FAM216B: variants seen among roughly 807,000 people sequenced by gnomAD.
The protein encoded by FAM216B is protein FAM216B.
Under a neutral mutation model 12.9 loss-of-function variants are expected in FAM216B, and 11 were observed. The ratio of observed to expected loss-of-function variants is 0.86; its 90% CI spans 0.54 to 1.42. The LOEUF is 1.42. FAM216B is among the 40% of genes most tolerant of loss of function. The probability of loss-of-function intolerance (pLI) is 0.00; values close to 1 mark genes in which losing one functional copy is unlikely to be tolerated. For synonymous variants in FAM216B, 52 were observed against 57.2 expected (o/e 0.91, Z 0.41); for missense variants, 167 against 162.9 (o/e 1.02, Z -0.14).
chr13:42,781,637 T>C lies in FAM216B; in HGVS notation c.-42T>C, dbSNP rs145381008. ...ACTACACTGAATAGGAATGGCAGCT[T>C]TTAAAAGTGGGGGAACTACAGTATA... is the stretch of plus-strand genomic sequence containing the variant. On this transcript the variant is annotated 5_prime_UTR_variant, in exon 1 of 4. Transcript: ENST00000313851. 1 of 152,316 alleles carries C rather than the reference T, an allele frequency of 6.6e-6. No homozygotes were observed. Among genetic ancestry groups the C allele is most frequent in the Non-Finnish European group, 1.5e-5 (1 of 68,030 alleles). 9.4% of individuals were successfully genotyped at this position (152,316 alleles called of 1,614,324 possible).
rs1403661878 is a variant in FAM216B at position 42,790,776 on chromosome 13, T to C, written c.*1986T>C. Reference sequence around the variant, plus strand: ...CTTGCACTCACAATGTCAATATACATTATCAGAACTTAAGTCCTGGAGATC... The same window carrying C: ...CTTGCACTCACAATGTCAATATACACTATCAGAACTTAAGTCCTGGAGATC... On this transcript the variant is annotated 3_prime_UTR_variant, in exon 4 of 4. Coordinates refer to ENST00000313851, the MANE Select transcript of FAM216B (RefSeq NM_001318932.2). 1 of 152,194 alleles carries C rather than the reference T, an allele frequency of 6.6e-6. No homozygotes were observed. The highest frequency in any genetic ancestry group is 6.5e-5 in the Admixed American group (1 of 15,284). The allele number at this position is 152,194 out of a possible 1,614,324, so 9.4% of individuals were successfully genotyped here.
chr13:42,781,886 G>T (rs909597134), intron 1 of FAM216B, among the ~76,000 whole-genome samples: 1 of 152,208 alleles, frequency 6.6e-6, no homozygotes, highest in African/African-American at 2.4e-5. Flanking sequence ...GAGGAGAGAA[G>T]AAATCTTTCC....
chr13:42,785,739 G>T (rs1874060213), intron 2 of FAM216B, among the ~76,000 whole-genome samples: 1 of 152,014 alleles, frequency 6.6e-6, no homozygotes, highest in African/African-American at 2.4e-5. Flanking sequence ...TCTACCAATG[G>T]TCTCTTTCTT....
intron 2 of FAM216B, among the ~76,000 whole-genome samples, chr13:42,785,279 G>A (rs1274122620): frequency 1.3e-5 from 2 of 152,042 alleles, no homozygotes; most frequent in East Asian, 3.8e-4. Context: ...TCGATACTAA[G>A]TTTAAGGCCA....
At chr13:42,786,145 A>ATTTG (rs1874078394) in intron 2 of FAM216B, among the ~76,000 whole-genome samples, 3 of 152,190 alleles carry the variant, frequency 2.0e-5, no homozygotes, top group African/African-American at 7.2e-5. Flanking sequence ...AACTAAAAAG[A>ATTTG]AAAAATGTTA....
intron 2 of FAM216B, among the ~76,000 whole-genome samples, chr13:42,784,661 C>CAAAAAAAAAAAA (rs61276354): frequency 5.3e-5 from 5 of 94,764 alleles, no homozygotes; most frequent in South Asian, 4.3e-4. Context: ...ACTAAAAATA[C>CAAAAAAAAAAAA]AAAAAAAAAA....
chr13:42,786,814 A>C lies in FAM216B; in HGVS notation c.151A>C (p.Asn51His). ...CTTTTACAGCATTATGAGGATTTACAACTCCAGGCCCCAGTGGGAGGCCCT... is the reference window on the plus strand; with the variant it reads ...CTTTTACAGCATTATGAGGATTTACCACTCCAGGCCCCAGTGGGAGGCCCT... ...RYFYSIMRIYNSRPQWEALQT... is the reference protein window; with the variant it reads ...RYFYSIMRIYHSRPQWEALQT... Residue 51 changes from asparagine (N) to histidine (H), a missense_variant, in exon 3 of 4, where the codon AAC (asparagine) becomes CAC (histidine). Asn to His is a moderately conservative substitution (Grantham distance 68). Transcript: ENST00000313851. 1 of 1,614,106 alleles carries C rather than the reference A, an allele frequency of 6.2e-7. No individual in the cohort carries two copies. The highest frequency in any genetic ancestry group is 8.5e-7 in the Non-Finnish European group (1 of 1,179,954).
rs1053505848 is a variant in FAM216B at position 42,789,150 on chromosome 13, A to T, written c.*360A>T. The T allele has an allele frequency of 2.3e-5, 4 of 173,912 alleles. No individual in the cohort carries two copies. Among genetic ancestry groups the T allele is most frequent in the Non-Finnish European group, 5.0e-5 (4 of 80,798 alleles). 10.8% of individuals were successfully genotyped at this position (173,912 alleles called of 1,614,324 possible). Reference sequence around the variant, plus strand: ...ACTGGGTGACCATTTCTAGCAAACTATCATGTATACATTTTGAAAATATAC... The same window carrying T: ...ACTGGGTGACCATTTCTAGCAAACTTTCATGTATACATTTTGAAAATATAC... On this transcript the variant is annotated 3_prime_UTR_variant, in exon 4 of 4. Coordinates refer to ENST00000313851, the MANE Select transcript of FAM216B (RefSeq NM_001318932.2).
At position 42,791,422 on chromosome 13, in the gene FAM216B, T is replaced by A. The variant is rs1390726767; in HGVS notation, c.*2632T>A. 1 of 152,170 alleles carries A rather than the reference T, an allele frequency of 6.6e-6. No homozygotes were observed. Among genetic ancestry groups the A allele is most frequent in the African/African-American group, 2.4e-5 (1 of 41,454 alleles). The allele number at this position is 152,170 out of a possible 1,614,324, so 9.4% of individuals were successfully genotyped here. A position where few individuals can be genotyped will look rare whatever the true frequency, so the allele number is the denominator to read the frequency against. On this transcript the variant is annotated 3_prime_UTR_variant, in exon 4 of 4. Coordinates refer to ENST00000313851, the MANE Select transcript of FAM216B (RefSeq NM_001318932.2). ...ATGGATTTGAAATAAACAATGATTATACCATGATTGTAAAGACAAGAAACA... is the reference window on the plus strand; with the variant it reads ...ATGGATTTGAAATAAACAATGATTAAACCATGATTGTAAAGACAAGAAACA...
chr13:42,789,653 TGTGTG>T lies in FAM216B; in HGVS notation c.*864_*868del, dbSNP rs1874242956. 1 of 151,738 alleles carries T rather than the reference TGTGTG, an allele frequency of 6.6e-6. No homozygotes were observed. Among genetic ancestry groups the T allele is most frequent in the Admixed American group, 6.6e-5 (1 of 15,206 alleles). The allele number at this position is 151,738 out of a possible 1,614,324, so 9.4% of individuals were successfully genotyped here. On this transcript the variant is annotated 3_prime_UTR_variant, in exon 4 of 4. Coordinates refer to ENST00000313851, the MANE Select transcript of FAM216B (RefSeq NM_001318932.2). ...CAGAGATTTTGTGTGTGTGTGTGTG[TGTGTG>T]TGTGTGTGTGTTAAAAATCAGTCAC...
At chr13:42,786,282 G>A (rs55709380) in intron 2 of FAM216B, among the ~76,000 whole-genome samples, 4,001 of 152,192 alleles carry the variant, frequency 0.026, 81 homozygotes, top group Non-Finnish European at 0.04. Context: ...TTCCCTGACT[G>A]CTTGTTTACA....
In FAM216B at chr13:42,790,277, C is replaced by A. The variant is rs1304454836; in HGVS notation, c.*1487C>A. 6.6e-6 allele frequency: 1 copy of A among 151,932 alleles called. No homozygotes were observed. Among genetic ancestry groups the A allele is most frequent in the Non-Finnish European group, 1.5e-5 (1 of 68,010 alleles). The allele number at this position is 151,932 out of a possible 1,614,324, so 9.4% of individuals were successfully genotyped here. ...TATACTAGCCTTCCCATTGTTTTCA[C>A]AATGGGCCTTTTATCCCCTCTGAAC... On this transcript the variant is annotated 3_prime_UTR_variant, in exon 4 of 4. Transcript: ENST00000313851.
chr13:42,783,546 T>C (rs1873939913), intron 1 of FAM216B, among the ~76,000 whole-genome samples: 1 of 152,038 alleles, frequency 6.6e-6, no homozygotes, highest in Non-Finnish European at 1.5e-5. Context: ...CCTTTAAGCA[T>C]CTTGTGGGCA....
Position 42,788,578 on chromosome 13 carries a change from T to G in FAM216B, c.221-13T>G. 1.3e-6 allele frequency: 2 copies of G among 1,552,896 alleles called. No homozygotes were observed. Among genetic ancestry groups the G allele is most frequent in the Middle Eastern group, 1.7e-4 (1 of 5,788 alleles). On this transcript the variant is annotated splice_polypyrimidine_tract_variant and intron_variant, in intron 3 of 3. Transcript: ENST00000313851. ...TTGTTGATTTTGAAGTTTCTCTCAT[T>G]TCTTTCCCCTAGGCTATATTACTCA...
At chr13:42,783,948 T>C in intron 1 of FAM216B, 106 bp from the exon 2 acceptor site, 1 of 641,354 alleles carries the variant, frequency 1.6e-6, no homozygotes, top group Non-Finnish European at 2.6e-6. Flanking sequence ...TAGAACAAAT[T>C]ACATTTTTAA....
rs778878355 is a variant in FAM216B at position 42,784,075 on chromosome 13, A to C, written c.8A>C (p.Gln3Pro). The C allele has an allele frequency of 1.2e-6, 2 of 1,600,458 alleles. No homozygotes were observed. The highest frequency in any genetic ancestry group is 2.3e-5 in the South Asian group (2 of 87,910). ...GGAGGTATAGGATAAACGATGGGAC[A>C]AAACTGGAAAAGACAACAAAAGCTT... is the stretch of plus-strand genomic sequence containing the variant. Reference protein sequence around the residue: MGQNWKRQQKLWN... With the variant: MGPNWKRQQKLWN... The change falls in exon 2 of 4, where the codon CAA (glutamine) becomes CCA (proline). Residue 3 changes from glutamine (Q) to proline (P), a missense_variant. Coordinates refer to ENST00000313851, the MANE Select transcript of FAM216B (RefSeq NM_001318932.2).
intron 2 of FAM216B, among the ~76,000 whole-genome samples, chr13:42,784,935 G>A (rs1594548047): frequency 6.6e-6 from 1 of 152,176 alleles, no homozygotes; most frequent in East Asian, 1.9e-4. Context: ...TATTAGTAAT[G>A]TTACCTGTTA....
At chr13:42,783,536 C>A (rs1222094250) in intron 1 of FAM216B, among the ~76,000 whole-genome samples, 1 of 151,942 alleles carries the variant, frequency 6.6e-6, no homozygotes, top group Non-Finnish European at 1.5e-5. Context: ...ATGAACATAT[C>A]CTTTAAGCAT....
At chr13:42,786,201 C>T (rs570992758) in intron 2 of FAM216B, among the ~76,000 whole-genome samples, 1 of 152,244 alleles carries the variant, frequency 6.6e-6, no homozygotes, top group South Asian at 2.1e-4. Flanking sequence ...GTTTGAGAAC[C>T]AGTATTCTAG....
Sources: gnomAD v4.1 joint callset for allele counts (sites outside exome capture counted in the v4.1 genomes callset) on GRCh38, gnomAD v4.1.1 for gene constraint, MANE v1.5 for transcripts, NCBI Gene and HGNC (gene_info 2026-07-23, HGNC 2026-07-21) for gene names.